The following ACOT11 variants were observed in gnomAD, a reference collection of about 807,000 sequenced individuals.
ACOT11 encodes acyl-coenzyme A thioesterase 11.
ACOT11 carries 69 observed loss-of-function variants against 77.5 expected under a neutral mutation model. That is an observed-to-expected ratio of 0.89 (90% CI 0.73 to 1.09). ACOT11 has a LOEUF of 1.09. Ranked by LOEUF, ACOT11 falls within the 50% of genes least tolerant of loss-of-function variation. ACOT11 has a pLI of 0.00. For missense variants in ACOT11, 766 were observed against 813.7 expected, an observed-to-expected ratio of 0.94 and a Z score of 0.71; for synonymous variants, 279 against 313.0, an observed-to-expected ratio of 0.89 and a Z score of 1.15.
At chr1:54,637,234 G>T (rs1007973384) in exon 17 of ACOT11, 2 of 151,844 alleles carry the variant, frequency 1.3e-5, no homozygotes, top group Non-Finnish European at 2.9e-5. Context: ...GTTAGTGACC[G>T]AGCTGGTCTC....
At chr1:54,630,962 A>T (rs1644296612) in intron 16 of ACOT11, 1 of 554,230 alleles carries the variant, frequency 1.8e-6, no homozygotes, top group Non-Finnish European at 3.3e-6. Context: ...TTCACCTTAG[A>T]ACTTTTTCAC....
In ACOT11 at chr1:54,623,252, A is replaced by T. The variant is rs750025535; in HGVS notation, c.1630-7482A>T. On this transcript the variant is annotated intron_variant, in intron 15 of 16. Coordinates refer to the ACOT11 transcript ENST00000371316. ...GAGCGAGCGATGAGGGAAGCCACTC[A>T]GGATGACATGGGGGGAGGCACCTAC... 73 of 1,530,882 alleles carry T rather than the reference A, an allele frequency of 4.8e-5. 2 individuals carry two copies. The South Asian group carries it at 8.1e-4, about 17-fold the overall frequency. The allele number at this position is 1,530,882 out of a possible 1,614,324, so 94.8% of individuals were successfully genotyped here. A position where few individuals can be genotyped will look rare whatever the true frequency, so the allele number is the denominator to read the frequency against.
chr1:54,562,466 G>A (rs1217575620), intron 1 of ACOT11, among the ~76,000 whole-genome samples: 8 of 82,500 alleles, frequency 9.7e-5, no homozygotes, highest in Admixed American at 3.8e-4. Flanking sequence ...CCTCCCTCCC[G>A]GACGGCACGG....
intron 1 of ACOT11, among the ~76,000 whole-genome samples, chr1:54,559,170 G>A (rs566641665): frequency 6.6e-6 from 1 of 152,340 alleles, no homozygotes; most frequent in East Asian, 1.9e-4. Context: ...GTCTTGGCTA[G>A]CGGGGCATCT....
Position 54,634,699 on chromosome 1 carries a change from CA to C in ACOT11, c.1795del (p.Ser599AlafsTer14). ...TTGCGTTTCTCCAGGCCAAAATCAA[CA>C]GCCGATTTGGATACCTTCAAGACAC... On this transcript the variant is annotated frameshift_variant, in exon 17 of 17. Transcript: ENST00000371316. LOFTEE classifies it high-confidence loss of function. The C allele has an allele frequency of 2.8e-6, 2 of 702,334 alleles. No homozygotes were observed. The highest frequency in any genetic ancestry group is 4.0e-5 in the Admixed American group (2 of 50,004). 43.5% of individuals were successfully genotyped at this position (702,334 alleles called of 1,614,324 possible).
downstream of ACOT11, chr1:54,611,584 C>T (rs796344334): frequency 2.5e-6 from 4 of 1,612,916 alleles, no homozygotes; most frequent in African/African-American, 5.3e-5. Context: ...CCCACACCAC[C>T]CTTCCCAATT....
chr1:54,618,767 C>T (rs1269317312), intron 15 of ACOT11, among the ~76,000 whole-genome samples: 1 of 152,120 alleles, frequency 6.6e-6, no homozygotes, highest in Non-Finnish European at 1.5e-5. Context: ...TGTGTGCAGA[C>T]CGTGAATTGA....
chr1:54,589,132 T>A (rs1654614897), intron 3 of ACOT11, among the ~76,000 whole-genome samples: 1 of 152,120 alleles, frequency 6.6e-6, no homozygotes, highest in African/African-American at 2.4e-5. Context: ...TTCTCCTGTC[T>A]AAACCTCCCG....
intron 15 of ACOT11, among the ~76,000 whole-genome samples, chr1:54,621,132 T>C (rs1358575196): frequency 1.4e-5 from 2 of 146,618 alleles, no homozygotes; most frequent in Non-Finnish European, 3.0e-5. Context: ...CTGCACTCCA[T>C]CCTGGGTGAC....
chr1:54,619,943 C>CT (rs1349674582), intron 15 of ACOT11: 1 of 1,614,098 alleles, frequency 6.2e-7, no homozygotes, highest in African/African-American at 1.3e-5. Context: ...GCCGGCTGAT[C>CT]TGGCCCAGGC....
chr1:54,623,160 A>C, intron 15 of ACOT11: 2 of 690,068 alleles, frequency 2.9e-6, no homozygotes, highest in Non-Finnish European at 5.0e-6. Flanking sequence ...CTGGGCAACA[A>C]GAGCAAAACT....
intron 16 of ACOT11, among the ~76,000 whole-genome samples, chr1:54,632,707 A>G (rs1406017001): frequency 6.6e-6 from 1 of 152,228 alleles, no homozygotes; most frequent in African/African-American, 2.4e-5. Context: ...ATAACTATTC[A>G]AGAAAAGAAA....
At chr1:54,575,395 G>A (rs1428198227) in intron 1 of ACOT11, among the ~76,000 whole-genome samples, 2 of 152,174 alleles carry the variant, frequency 1.3e-5, no homozygotes, top group Admixed American at 1.3e-4. Context: ...TTCAGACAAG[G>A]TTATTTTTAC....
chr1:54,586,843 T>G (rs1352067414), intron 3 of ACOT11, among the ~76,000 whole-genome samples: 1 of 152,160 alleles, frequency 6.6e-6, no homozygotes, highest in Non-Finnish European at 1.5e-5. Context: ...GCTTCTGGGA[T>G]CCAAGGAGCA....
chr1:54,633,210 G>A (rs1644311538), intron 16 of ACOT11, among the ~76,000 whole-genome samples: 1 of 152,192 alleles, frequency 6.6e-6, no homozygotes, highest in African/African-American at 2.4e-5. Flanking sequence ...AGCCAATTTG[G>A]ATAGCACATT....
chr1:54,601,709 A>G (rs913047172), intron 9 of ACOT11, among the ~76,000 whole-genome samples: 1 of 152,112 alleles, frequency 6.6e-6, no homozygotes, highest in Non-Finnish European at 1.5e-5. Context: ...TTGGAGTCAG[A>G]TGTGGGTTGG....
chr1:54,548,619 G>A (rs906404563), intron 1 of ACOT11: 6 of 555,482 alleles, frequency 1.1e-5, no homozygotes, highest in East Asian at 9.3e-5. Flanking sequence ...AATTCTATTC[G>A]GTGGGTGTAT....
downstream of ACOT11, among the ~76,000 whole-genome samples, chr1:54,615,109 G>A (rs1247289483): frequency 2.0e-5 from 3 of 152,164 alleles, no homozygotes; most frequent in Non-Finnish European, 2.9e-5. Flanking sequence ...GGAAACAGAG[G>A]CCAGGTAAGG....
chr1:54,631,256 T>C (rs563828294), intron 16 of ACOT11, among the ~76,000 whole-genome samples: 21 of 152,202 alleles, frequency 1.4e-4, no homozygotes, highest in Non-Finnish European at 2.8e-4. Flanking sequence ...GAGGGTGATT[T>C]AGAGGCTTGG....
Sources: allele counts gnomAD v4.1 joint callset (sites outside exome capture counted in the v4.1 genomes callset), GRCh38; gene constraint gnomAD v4.1.1; transcripts MANE v1.5; gene names NCBI Gene and HGNC (gene_info 2026-07-23, HGNC 2026-07-21).